Variants in FAR2 observed in about 807,000 individuals in gnomAD.
FAR2 encodes fatty acyl-CoA reductase 2.
In FAR2, 19 loss-of-function variants were observed where a neutral mutation model predicts 56.0. That is an observed-to-expected ratio of 0.34 (90% confidence interval 0.24 to 0.50). The LOEUF (loss-of-function observed/expected upper bound fraction) is 0.50, where lower values mean the gene tolerates loss of function less well. FAR2 is among the 20% of genes least tolerant of loss of function. The probability of loss-of-function intolerance (pLI) is 0.98; values close to 1 mark genes in which losing one functional copy is unlikely to be tolerated. For synonymous variants in FAR2, 219 were observed against 218.8 expected (o/e 1.00, Z -0.01); for missense variants, 508 against 642.2 (o/e 0.79, Z 2.26).
intron 1 of FAR2, among the ~76,000 whole-genome samples, chr12:29,227,910 CT>C (rs1947795498): frequency 6.6e-6 from 1 of 151,382 alleles, no homozygotes; most frequent in African/African-American, 2.4e-5. Context: ...CATTTTTCTC[CT>C]TTTAAGAAGT....
At chr12:29,173,429 G>A (rs549696626) in intron 1 of FAR2, among the ~76,000 whole-genome samples, 57 of 152,248 alleles carry the variant, frequency 3.7e-4, no homozygotes, top group African/African-American at 1.1e-3. Flanking sequence ...TGCAAGCTTT[G>A]CATAGTTGTG....
chr12:29,162,036 T>G (rs190297188), intron 1 of FAR2, among the ~76,000 whole-genome samples: 2 of 152,350 alleles, frequency 1.3e-5, no homozygotes, highest in African/African-American at 4.8e-5. Context: ...CTTTGTTAGA[T>G]ATGTGCTTTG....
At chr12:29,162,277 A>G (rs1399768126) in intron 1 of FAR2, among the ~76,000 whole-genome samples, 1 of 152,242 alleles carries the variant, frequency 6.6e-6, no homozygotes, top group Non-Finnish European at 1.5e-5. Flanking sequence ...GAGAAATAAA[A>G]TACATGTTTT....
intron 9 of FAR2, among the ~76,000 whole-genome samples, chr12:29,318,951 C>G (rs558477539): frequency 6.6e-6 from 1 of 151,950 alleles, no homozygotes; most frequent in African/African-American, 2.4e-5. Context: ...ACTACCACAA[C>G]AGTGTATGAA....
chr12:29,312,468 T>A (rs1238794769), intron 8 of FAR2, among the ~76,000 whole-genome samples: 1 of 152,118 alleles, frequency 6.6e-6, no homozygotes, highest in Admixed American at 6.6e-5. Flanking sequence ...TTTGTAAAAG[T>A]GAATAGGAAG....
chr12:29,155,980 A>G (rs904825312), intron 1 of FAR2, among the ~76,000 whole-genome samples: 2 of 152,224 alleles, frequency 1.3e-5, no homozygotes, highest in African/African-American at 4.8e-5. Context: ...GCACAGAAAG[A>G]GAAATACTGC....
At chr12:29,302,764 C>T (rs749295828) in intron 4 of FAR2, among the ~76,000 whole-genome samples, 8 of 151,996 alleles carry the variant, frequency 5.3e-5, no homozygotes, top group Non-Finnish European at 1.0e-4. Flanking sequence ...AGCCAGGGGC[C>T]GGGGGAGGCA....
intron 1 of FAR2, among the ~76,000 whole-genome samples, chr12:29,255,062 G>A (rs187935498): frequency 2.0e-3 from 307 of 152,172 alleles, no homozygotes; most frequent in Non-Finnish European, 3.4e-3. Flanking sequence ...AGATGCATTT[G>A]TGTGTGTATT....
At chr12:29,173,451 A>G (rs1949906998) in intron 1 of FAR2, among the ~76,000 whole-genome samples, 1 of 152,118 alleles carries the variant, frequency 6.6e-6, no homozygotes, top group Non-Finnish European at 1.5e-5. Context: ...ATTCTCCTTC[A>G]ATGAAAGGAA....
chr12:29,303,621 C>T (rs1190305266), intron 4 of FAR2, among the ~76,000 whole-genome samples: 2 of 152,152 alleles, frequency 1.3e-5, no homozygotes, highest in Admixed American at 1.3e-4. Context: ...TATCACAGTC[C>T]TCTGGGAGAT....
At chr12:29,263,305 T>C (rs920774811) in intron 1 of FAR2, among the ~76,000 whole-genome samples, 2 of 152,188 alleles carry the variant, frequency 1.3e-5, no homozygotes, top group Non-Finnish European at 2.9e-5. Flanking sequence ...ATAGTCCTAA[T>C]AGATATTTAC....
intron 2 of FAR2, among the ~76,000 whole-genome samples, chr12:29,271,861 G>A (rs1948623935): frequency 6.6e-6 from 1 of 152,166 alleles, no homozygotes; most frequent in Admixed American, 6.5e-5. Flanking sequence ...TCATTTTATA[G>A]ATGGGGAAAC....
chr12:29,213,711 AAGTCT>A (rs1409215874), intron 1 of FAR2, among the ~76,000 whole-genome samples: 1 of 145,276 alleles, frequency 6.9e-6, no homozygotes, highest in African/African-American at 2.5e-5. Flanking sequence ...AAAAAAGATT[AAGTCT>A]ATCTGTAATT....
chr12:29,332,321 A>T (rs2136831893), intron 10 of FAR2, among the ~76,000 whole-genome samples: 1 of 152,354 alleles, frequency 6.6e-6, no homozygotes, highest in South Asian at 2.1e-4. Flanking sequence ...GCCAACCATA[A>T]GTTTTCACCA....
chr12:29,299,860 A>C (rs983526890), intron 4 of FAR2, among the ~76,000 whole-genome samples: 13 of 152,136 alleles, frequency 8.5e-5, no homozygotes, highest in Non-Finnish European at 1.6e-4. Flanking sequence ...TCTTACTCAG[A>C]TATCAAGGCT....
At chr12:29,306,450 C>T (rs570204850) in intron 4 of FAR2, among the ~76,000 whole-genome samples, 1 of 152,200 alleles carries the variant, frequency 6.6e-6, no homozygotes, top group Non-Finnish European at 1.5e-5. Flanking sequence ...CTTAGCTGCT[C>T]AAAAATTTGT....
intron 9 of FAR2, among the ~76,000 whole-genome samples, chr12:29,318,031 C>T (rs1949483831): frequency 6.6e-6 from 1 of 152,176 alleles, no homozygotes; most frequent in Non-Finnish European, 1.5e-5. Flanking sequence ...ATCTGTCTCG[C>T]TTGAATAATA....
At chr12:29,194,306 T>G (rs1025708598) in intron 1 of FAR2, among the ~76,000 whole-genome samples, 2 of 152,174 alleles carry the variant, frequency 1.3e-5, no homozygotes, top group African/African-American at 4.8e-5. Flanking sequence ...ATGTTAGCAT[T>G]GACTAGATTC....
chr12:29,293,086 C>T (rs1715558659), intron 2 of FAR2: 6 of 374,454 alleles, frequency 1.6e-5, no homozygotes, highest in African/African-American at 4.2e-5. Context: ...AGGCTGGTGT[C>T]GAACTCCTGG....
Sources: allele counts gnomAD v4.1 joint callset (sites outside exome capture counted in the v4.1 genomes callset), GRCh38; gene constraint gnomAD v4.1.1; transcripts MANE v1.5; gene names NCBI Gene and HGNC (gene_info 2026-07-23, HGNC 2026-07-21).